Variants in SPTBN1 observed in about 807,000 individuals in gnomAD.
SPTBN1 encodes the protein spectrin beta chain, non-erythrocytic 1.
A neutral mutation model predicts 266.4 loss-of-function variants in SPTBN1; 32 were observed. That is an observed-to-expected ratio of 0.12 (90% CI 0.09 to 0.16). SPTBN1 has a LOEUF of 0.16. SPTBN1 is among the 10% of genes least tolerant of loss of function. The pLI, the probability that SPTBN1 is intolerant of heterozygous loss-of-function variation, is 1.00. For synonymous variants in SPTBN1, 1,336 were observed against 1,162.2 expected, an observed-to-expected ratio of 1.15 and a Z score of -3.04; for missense variants, 2,296 against 3,067.1, an observed-to-expected ratio of 0.75 and a Z score of 5.94.
At chr2:54,498,682 A>G (rs1669097159) in intron 1 of SPTBN1, among the ~76,000 whole-genome samples, 2 of 152,138 alleles carry the variant, frequency 1.3e-5, no homozygotes, top group African/African-American at 2.4e-5. Context: ...TCCATACTAT[A>G]TTTTTTTTCA....
intron 1 of SPTBN1, among the ~76,000 whole-genome samples, chr2:54,487,832 C>CTTTTTTTTCTTTTTTTTTT (rs1668486752): frequency 1.5e-5 from 1 of 68,644 alleles, no homozygotes; most frequent in Non-Finnish European, 2.6e-5. Flanking sequence ...CCTCCTGTGT[C>CTTTTTTTTCTTTTTTTTTT]TTTTTTTTTT....
At chr2:54,656,911 A>G (rs1680705172) in intron 29 of SPTBN1, among the ~76,000 whole-genome samples, 1 of 152,230 alleles carries the variant, frequency 6.6e-6, no homozygotes, top group African/African-American at 2.4e-5. Context: ...TGATATGCAC[A>G]GTCCCTGCCT....
intron 1 of SPTBN1, among the ~76,000 whole-genome samples, chr2:54,467,166 T>C (rs1049411236): frequency 5.3e-5 from 8 of 152,148 alleles, no homozygotes; most frequent in African/African-American, 1.9e-4. Flanking sequence ...AATATAAATG[T>C]TGAAGGGCTG....
chr2:54,660,267 A>G lies in SPTBN1; in HGVS notation c.6420+268A>G, dbSNP rs538762578. 1.4e-5 allele frequency: 19 copies of G among 1,317,648 alleles called. 1 individual carries two copies. In the South Asian group the frequency reaches 4.9e-4, roughly 34 times the overall value. 81.6% of individuals were successfully genotyped at this position (1,317,648 alleles called of 1,614,324 possible). Reference sequence around the variant, plus strand: ...ACTGATGGATGCCCACTTGCCTTAAAGCAGCATACTTATTTTTTGTTTATT... The same window carrying G: ...ACTGATGGATGCCCACTTGCCTTAAGGCAGCATACTTATTTTTTGTTTATT... On this transcript the variant is annotated intron_variant, in intron 32 of 35. Coordinates refer to ENST00000356805, the MANE Select transcript of SPTBN1 (RefSeq NM_003128.3).
At position 54,648,992 on chromosome 2, in the gene SPTBN1, C is replaced by T; in HGVS notation, c.5004C>T (p.Arg1668=). The change falls in exon 25 of 36, where the codon CGC becomes CGT. Residue 1668 remains arginine, a synonymous_variant. Coordinates refer to ENST00000356805, the MANE Select transcript of SPTBN1 (RefSeq NM_003128.3). ...TGCTCCTTTTCTTTTTCAGTGAGCG[C>T]ATTAGCATGCGGCAGTCCAAAGTGG... ...LVADSHPESE[R]ISMRQSKVDK... 6.2e-7 allele frequency: 1 copy of T among 1,608,000 alleles called. No individual in the cohort carries two copies. Among genetic ancestry groups the T allele is most frequent in the Non-Finnish European group, 8.5e-7 (1 of 1,175,996 alleles).
At chr2:54,529,206 C>G (rs1671039020) in intron 2 of SPTBN1, 1 of 330,866 alleles carries the variant, frequency 3.0e-6, no homozygotes, top group Admixed American at 4.3e-5. Context: ...GTGACTGATG[C>G]AGAGTACTGA....
At chr2:54,583,067 G>A (rs1377600209) in intron 2 of SPTBN1, among the ~76,000 whole-genome samples, 1 of 151,996 alleles carries the variant, frequency 6.6e-6, no homozygotes, top group East Asian at 1.9e-4. Context: ...GACCATGCTG[G>A]AGCCCTTCCC....
intron 32 of SPTBN1, chr2:54,661,242 A>G (rs1307517022): frequency 1.0e-6 from 1 of 985,898 alleles, no homozygotes; most frequent in East Asian, 1.1e-4. Flanking sequence ...TTTTCCTTAG[A>G]AATAAAAGCT....
intron 1 of SPTBN1, among the ~76,000 whole-genome samples, chr2:54,500,086 T>A (rs147783657): frequency 6.6e-6 from 1 of 152,254 alleles, no homozygotes; most frequent in Non-Finnish European, 1.5e-5. Context: ...TGTAATCTAC[T>A]AAAAGTGAGA....
At chr2:54,580,775 A>C (rs1674840360) in intron 2 of SPTBN1, among the ~76,000 whole-genome samples, 1 of 152,102 alleles carries the variant, frequency 6.6e-6, no homozygotes, top group Admixed American at 6.5e-5. Context: ...AAAATTTGTA[A>C]AAACTTTATT....
chr2:54,634,328 C>T (rs1678966266), intron 17 of SPTBN1, among the ~76,000 whole-genome samples: 1 of 152,152 alleles, frequency 6.6e-6, no homozygotes, highest in Non-Finnish European at 1.5e-5. Context: ...CAGCAGCAGC[C>T]CTCAGTTGTG....
At position 54,628,234 on chromosome 2, in the gene SPTBN1, C is replaced by G. The variant is rs761403914; in HGVS notation, c.1782C>G (p.Phe594Leu). ...GTGTCAATGCCTCCGCCCAGAAGTTCGCAACAGACGGGGAAGGTAAGGATG... is the reference window on the plus strand; with the variant it reads ...GTGTCAATGCCTCCGCCCAGAAGTTGGCAACAGACGGGGAAGGTAAGGATG... ...VRGVNASAQKFATDGEGYKPC... is the reference protein window; with the variant it reads ...VRGVNASAQKLATDGEGYKPC... Residue 594 changes from phenylalanine (F) to leucine (L), a missense_variant, in exon 13 of 36, where the codon TTC (phenylalanine) becomes TTG (leucine). Transcript: ENST00000356805. This position sits in a 1 kb window ranked among gnomAD's most constrained non-coding sequence, Gnocchi z 4.3. 2 of 1,612,804 alleles carry G rather than the reference C, an allele frequency of 1.2e-6. No homozygotes were observed. Among genetic ancestry groups the G allele is most frequent in the Admixed American group, 3.3e-5 (2 of 59,824 alleles).
intron 3 of SPTBN1, among the ~76,000 whole-genome samples, chr2:54,607,090 G>C (rs533432894): frequency 4.6e-5 from 7 of 152,306 alleles, no homozygotes; most frequent in African/African-American, 1.7e-4. Context: ...GGGGTAAGGA[G>C]GATATCACAT....
At chr2:54,641,451 C>G (rs938242467) in intron 18 of SPTBN1, among the ~76,000 whole-genome samples, 1 of 152,214 alleles carries the variant, frequency 6.6e-6, no homozygotes, top group East Asian at 1.9e-4. Context: ...TTTACTTTAA[C>G]TTCTTTTCCC....
rs145951259 is a variant in SPTBN1 at position 54,645,987 on chromosome 2, G to A, written c.4554G>A (p.Gln1518=). ...CCACGGATCATGGCCACAACCTCCA[G>A]ACTGTGCAGCTGTTAATAAAGAAAA... ...ATSTDHGHNL[Q]TVQLLIKKNQ... The change falls in exon 22 of 36, where the codon CAG becomes CAA. Residue 1518 remains glutamine (Q), a synonymous_variant. Transcript: ENST00000356805. The surrounding 1 kb of genome is among the most constrained non-coding windows in gnomAD (Gnocchi z 4.3). 6.2e-6 allele frequency: 10 copies of A among 1,614,098 alleles called. No individual in the cohort carries two copies. The highest frequency in any genetic ancestry group is 8.5e-6 in the Non-Finnish European group (10 of 1,180,056).
rs889102789 is a variant in SPTBN1 at position 54,599,360 on chromosome 2, A to G, written c.300+117A>G. On this transcript the variant is annotated intron_variant, in intron 3 of 35. Coordinates refer to ENST00000356805, the MANE Select transcript of SPTBN1 (RefSeq NM_003128.3). ...TTAATGGTTGATAGTTTTGAGGAGA[A>G]TCTTGAGAAGTGAGTTGAGCGCTTC... 9 of 1,283,542 alleles carry G rather than the reference A, an allele frequency of 7.0e-6. No homozygotes were observed. In the African/African-American group the frequency reaches 1.2e-4, roughly 17 times the overall value. The allele number at this position is 1,283,542 out of a possible 1,614,324, so 79.5% of individuals were successfully genotyped here.
intron 2 of SPTBN1, among the ~76,000 whole-genome samples, chr2:54,574,697 C>T (rs1674338069): frequency 6.6e-6 from 1 of 152,172 alleles, no homozygotes; most frequent in Non-Finnish European, 1.5e-5. Flanking sequence ...CCCATGAGAG[C>T]TCGATCAGTG....
chr2:54,524,535 C>A (rs1435355130), intron 1 of SPTBN1, among the ~76,000 whole-genome samples: 4 of 152,200 alleles, frequency 2.6e-5, no homozygotes. Context: ...CCCGCTTCTC[C>A]ACCCAGAGCT....
intron 2 of SPTBN1, among the ~76,000 whole-genome samples, chr2:54,563,349 T>C (rs994597192): frequency 2.7e-4 from 41 of 152,248 alleles, no homozygotes; most frequent in African/African-American, 9.4e-4. Context: ...CCGCATCTGA[T>C]CTTTCTGGAG....
Sources: allele counts gnomAD v4.1 joint callset (sites outside exome capture counted in the v4.1 genomes callset), GRCh38; gene constraint gnomAD v4.1.1; non-coding constraint Gnocchi (gnomAD v3.1); transcripts MANE v1.5; gene names NCBI Gene and HGNC (gene_info 2026-07-23, HGNC 2026-07-21).